The following XIRP2 variants were observed in gnomAD, a reference collection of about 807,000 sequenced individuals.
XIRP2 encodes xin actin binding repeat containing 2.
In XIRP2, 236 loss-of-function variants were observed where a neutral mutation model predicts 277.0. The observed-to-expected ratio is 0.85, with a 90% CI of 0.77 to 0.95. The LOEUF is 0.95. Among genes scored for constraint, XIRP2 ranks in the 40% least tolerant of loss-of-function variants. XIRP2 has a pLI of 0.00. For synonymous variants in XIRP2, 1,490 were observed against 1,416.5 expected (o/e 1.05, Z -1.17); for missense variants, 4,640 against 4,157.5 (o/e 1.12, Z -3.19).
intron 2 of XIRP2, among the ~76,000 whole-genome samples, chr2:166,961,250 C>T (rs1686289475): frequency 6.6e-6 from 1 of 151,572 alleles, no homozygotes; most frequent in South Asian, 2.1e-4. Context: ...GTGACCTGTC[C>T]AGCATCAAAA....
chr2:166,994,899 G>T (rs1236523322), intron 2 of XIRP2, among the ~76,000 whole-genome samples: 1 of 151,556 alleles, frequency 6.6e-6, no homozygotes, highest in Non-Finnish European at 1.5e-5. Flanking sequence ...AAGTAAAAAT[G>T]AGAAAAATGT....
At position 167,090,890 on chromosome 2, in the gene XIRP2, A is replaced by G. The variant is rs551131872; in HGVS notation, c.409-45019A>G. 2.0e-5 allele frequency among the ~76,000 whole-genome samples: 3 copies of G among 152,190 alleles called. No homozygotes were observed. The South Asian group carries it at 6.2e-4, about 32-fold the overall frequency. On this transcript the variant is annotated intron_variant, in intron 2 of 10. Transcript: ENST00000409195. Reference sequence around the variant, plus strand: ...ACCCAAACACCATCCACTAGGCCCCACCTGACAACACCACCCTACTGGGGA... The same window carrying G: ...ACCCAAACACCATCCACTAGGCCCCGCCTGACAACACCACCCTACTGGGGA...
chr2:167,146,017 G>A (rs1187929717), intron 3 of XIRP2, among the ~76,000 whole-genome samples: 1 of 152,000 alleles, frequency 6.6e-6, no homozygotes, highest in Non-Finnish European at 1.5e-5. Flanking sequence ...TTTTTTAAAA[G>A]TGTATCATGA....
At chr2:166,946,371 C>T (rs1336222693) in intron 2 of XIRP2, among the ~76,000 whole-genome samples, 2 of 152,160 alleles carry the variant, frequency 1.3e-5, no homozygotes, top group African/African-American at 4.8e-5. Context: ...ATTTGCTTGT[C>T]CTTTTTTATA....
At chr2:167,160,118 C>T (rs1692318047) in intron 3 of XIRP2, among the ~76,000 whole-genome samples, 1 of 152,194 alleles carries the variant, frequency 6.6e-6, no homozygotes, top group Middle Eastern at 3.4e-3. Flanking sequence ...AGTTCATCTA[C>T]TACTAAATGG....
chr2:167,136,015 C>T lies in XIRP2; in HGVS notation c.515C>T (p.Ser172Phe), dbSNP rs143984674. The stretch of plus-strand genomic sequence containing the variant: ...TCAGACAAGAAAGGCAAGGAAACAT[C>T]TTTTGACAAGATGTCACCTGAAAGT... ...KDSDKKGKET[S>F]FDKMSPESGH... is the part of the protein sequence containing the mutation. Residue 172 changes from serine (S) to phenylalanine (F), a missense_variant, in exon 3 of 11, where the codon TCT becomes TTT. Transcript: ENST00000409195. The T allele has an allele frequency of 2.5e-6, 4 of 1,611,264 alleles. No individual in the cohort carries two copies. The highest frequency in any genetic ancestry group is 3.4e-6 in the Non-Finnish European group (4 of 1,178,860).
At chr2:167,160,077 A>G (rs1692317112) in intron 3 of XIRP2, among the ~76,000 whole-genome samples, 1 of 152,190 alleles carries the variant, frequency 6.6e-6, no homozygotes, top group African/African-American at 2.4e-5. Flanking sequence ...ATAGGCAAAA[A>G]AAATAAGATA....
At chr2:166,948,025 A>C (rs928899024) in intron 2 of XIRP2, among the ~76,000 whole-genome samples, 1 of 152,112 alleles carries the variant, frequency 6.6e-6, no homozygotes, top group Non-Finnish European at 1.5e-5. Flanking sequence ...AATTATGGAG[A>C]TAGTAAAGAG....
intron 2 of XIRP2, among the ~76,000 whole-genome samples, chr2:167,008,014 G>T (rs1378199427): frequency 1.3e-5 from 2 of 151,338 alleles, no homozygotes; most frequent in African/African-American, 2.4e-5. Context: ...TTGTATTCCA[G>T]TTATGTATTT....
chr2:167,093,391 A>G (rs2105277730), intron 2 of XIRP2, among the ~76,000 whole-genome samples: 2 of 152,092 alleles, frequency 1.3e-5, no homozygotes, highest in Middle Eastern at 6.8e-3. Context: ...ATAGGTATGT[A>G]TGTGCCCTGG....
At chr2:167,095,927 G>A (rs1690300977) in intron 2 of XIRP2, among the ~76,000 whole-genome samples, 1 of 124,832 alleles carries the variant, frequency 8.0e-6, no homozygotes, top group South Asian at 2.6e-4. Context: ...AGGCTGGAGT[G>A]TAGTGGCATG....
intron 2 of XIRP2, among the ~76,000 whole-genome samples, chr2:166,932,705 T>C (rs1185027303): frequency 2.0e-5 from 3 of 152,198 alleles, no homozygotes; most frequent in Admixed American, 6.5e-5. Flanking sequence ...ATTTAAACTT[T>C]TTGTGTGTCT....
chr2:166,891,970 T>C (rs763449527), intron 1 of XIRP2, among the ~76,000 whole-genome samples: 7 of 152,200 alleles, frequency 4.6e-5, no homozygotes, highest in Non-Finnish European at 8.8e-5. Flanking sequence ...CCTTTTGTTT[T>C]GTAGTTTGAA....
intron 2 of XIRP2, among the ~76,000 whole-genome samples, chr2:166,927,496 G>A (rs1685220135): frequency 6.6e-6 from 1 of 151,960 alleles, no homozygotes; most frequent in Non-Finnish European, 1.5e-5. Context: ...ACCTTTAGAG[G>A]CCACCTAAAA....
intron 2 of XIRP2, among the ~76,000 whole-genome samples, chr2:167,024,639 A>T (rs1157140994): frequency 1.3e-5 from 2 of 152,074 alleles, no homozygotes; most frequent in East Asian, 1.9e-4. Context: ...TCAATACCTA[A>T]TGTATTGAGA....
chr2:166,898,705 A>C (rs1684305358), intron 1 of XIRP2, among the ~76,000 whole-genome samples: 1 of 152,006 alleles, frequency 6.6e-6, no homozygotes, highest in African/African-American at 2.4e-5. Flanking sequence ...CACCACAGCA[A>C]TCAAGACACA....
intron 2 of XIRP2, among the ~76,000 whole-genome samples, chr2:166,956,059 CT>C (rs1394052500): frequency 6.6e-6 from 1 of 151,752 alleles, no homozygotes; most frequent in African/African-American, 2.4e-5. Flanking sequence ...TTCATTATCT[CT>C]TTTCATCTTT....
chr2:167,158,838 G>A (rs1692279631), intron 3 of XIRP2, among the ~76,000 whole-genome samples: 1 of 152,042 alleles, frequency 6.6e-6, no homozygotes, highest in Admixed American at 6.6e-5. Context: ...ATTTGAACAG[G>A]GAAAGTATAT....
chr2:166,947,997 A>G (rs1331125099), intron 2 of XIRP2, among the ~76,000 whole-genome samples: 1 of 152,150 alleles, frequency 6.6e-6, no homozygotes, highest in East Asian at 1.9e-4. Context: ...CAATTGTGTG[A>G]CATTCTGGAA....
Sources: allele counts gnomAD v4.1 joint callset (sites outside exome capture counted in the v4.1 genomes callset), GRCh38; gene constraint gnomAD v4.1.1; transcripts MANE v1.5; gene names NCBI Gene and HGNC (gene_info 2026-07-23, HGNC 2026-07-21).